The following HDAC8 variants were observed in gnomAD, a reference collection of about 807,000 sequenced individuals.
HDAC8 encodes the protein histone deacetylase 8, also known as histone deacetylase-like 1.
Under a neutral mutation model 32.2 loss-of-function variants are expected in HDAC8, and 1 was observed. That is an observed-to-expected ratio of 0.03 (90% CI 0.01 to 0.15). The LOEUF (loss-of-function observed/expected upper bound fraction) is 0.15, where lower values mean the gene tolerates loss of function less well. Ranked by LOEUF, HDAC8 falls within the 10% of genes least tolerant of loss-of-function variation. The pLI, the probability that HDAC8 is intolerant of heterozygous loss-of-function variation, is 1.00. For synonymous variants in HDAC8, 108 were observed against 113.9 expected (o/e 0.95, Z 0.33); for missense variants, 117 against 300.0 (o/e 0.39, Z 4.51).
At chrX:72,345,212 A>G (rs1165426725) in intron 10 of HDAC8, among the ~76,000 whole-genome samples, 1 of 111,568 alleles carries the variant, frequency 9.0e-6, no homozygotes, top group African/African-American at 3.3e-5. Flanking sequence ...ACACAATCAT[A>G]TCTCTTAAAA....
intron 4 of HDAC8, among the ~76,000 whole-genome samples, chrX:72,556,989 G>A (rs1372141328): frequency 8.9e-6 from 1 of 111,998 alleles, no homozygotes; most frequent in African/African-American, 3.3e-5. Context: ...GGCCGAGACG[G>A]GTGGATCATG....
chrX:72,373,041 A>G (rs12388011), intron 9 of HDAC8, among the ~76,000 whole-genome samples: 7,941 of 111,108 alleles, frequency 0.071, 696 homozygotes, highest in African/African-American at 0.25. Context: ...TACAAGGGAG[A>G]TACTATACAT....
chrX:72,364,980 C>A (rs1555953862), intron 9 of HDAC8, among the ~76,000 whole-genome samples: 4 of 111,884 alleles, frequency 3.6e-5, no homozygotes, highest in Non-Finnish European at 5.6e-5. Flanking sequence ...AGAGTACTCC[C>A]AAGACTGGCA....
At chrX:72,430,954 C>T (rs1334012706) in intron 9 of HDAC8, among the ~76,000 whole-genome samples, 1 of 111,942 alleles carries the variant, frequency 8.9e-6, no homozygotes, top group Non-Finnish European at 1.9e-5. Context: ...AAAGCATGTG[C>T]CCTTTCTACT....
chrX:72,341,455 T>C (rs2043886042), intron 10 of HDAC8, among the ~76,000 whole-genome samples: 1 of 112,132 alleles, frequency 8.9e-6, no homozygotes, highest in East Asian at 2.8e-4. Flanking sequence ...CAGTTGCTGG[T>C]CAGTGCCATG....
intron 9 of HDAC8, among the ~76,000 whole-genome samples, chrX:72,408,323 C>T (rs1263152198): frequency 9.0e-6 from 1 of 111,672 alleles, no homozygotes; most frequent in Non-Finnish European, 1.9e-5. Context: ...GAGTAAGTCT[C>T]ATTGAGAAAG....
At chrX:72,420,992 T>C (rs1282126916) in intron 9 of HDAC8, among the ~76,000 whole-genome samples, 2 of 111,144 alleles carry the variant, frequency 1.8e-5, no homozygotes, top group Admixed American at 9.6e-5. Context: ...TTTTGCAATT[T>C]TTCGTTTTGT....
At chrX:72,366,593 G>A (rs1427057469) in intron 9 of HDAC8, among the ~76,000 whole-genome samples, 1 of 112,039 alleles carries the variant, frequency 8.9e-6, no homozygotes, top group Non-Finnish European at 1.9e-5. Flanking sequence ...CTCCTCAAGG[G>A]TGGGAACTGG....
intron 4 of HDAC8, among the ~76,000 whole-genome samples, chrX:72,507,088 A>G (rs1275463857): frequency 1.8e-5 from 2 of 111,091 alleles, no homozygotes; most frequent in African/African-American, 6.6e-5. Flanking sequence ...AGCTCAAGCA[A>G]TCCACCCACC....
At chrX:72,472,224 T>C (rs1156853719) in intron 7 of HDAC8, among the ~76,000 whole-genome samples, 16 of 104,951 alleles carry the variant, frequency 1.5e-4, no homozygotes, top group South Asian at 8.8e-4. Context: ...CCCGCCACTA[T>C]GCCCGGCTAA....
chrX:72,561,844 AT>A (rs2051572494), intron 4 of HDAC8, among the ~76,000 whole-genome samples: 1 of 111,972 alleles, frequency 8.9e-6, no homozygotes, highest in South Asian at 3.7e-4. Context: ...AAAAAAGCAA[AT>A]AATCCCACTA....
chrX:72,444,897 C>G (rs1198221959), intron 9 of HDAC8, among the ~76,000 whole-genome samples: 1 of 107,905 alleles, frequency 9.3e-6, no homozygotes, highest in Non-Finnish European at 1.9e-5. Context: ...CAATAACAGA[C>G]AGAGAGCCAA....
At chrX:72,477,110 C>CA (rs368654292) in intron 7 of HDAC8, among the ~76,000 whole-genome samples, 7 of 111,933 alleles carry the variant, frequency 6.3e-5, no homozygotes, top group African/African-American at 2.3e-4. Flanking sequence ...ATTTCTTAGG[C>CA]AAAAAATCAG....
At chrX:72,571,553 CTTTTTTTTTTTTTTT>C (rs782331910) in intron 2 of HDAC8, among the ~76,000 whole-genome samples, 41 of 30,448 alleles carry the variant, frequency 1.3e-3, no homozygotes, top group South Asian at 8.5e-3. Context: ...TTCTTTCTTT[CTTTTTTTTTTTTTTT>C]TTTTTTTTTT....
intron 4 of HDAC8, among the ~76,000 whole-genome samples, chrX:72,562,753 T>C (rs937615165): frequency 9.0e-6 from 1 of 110,910 alleles, no homozygotes; most frequent in Non-Finnish European, 1.9e-5. Flanking sequence ...GGAGAAAAAA[T>C]AATTCTGCCA....
chrX:72,407,702 C>T (rs909580943), intron 9 of HDAC8, among the ~76,000 whole-genome samples: 4 of 111,711 alleles, frequency 3.6e-5, no homozygotes, highest in Non-Finnish European at 7.5e-5. Flanking sequence ...AATAGAGCCT[C>T]CAGAAGGAAT....
chrX:72,546,917 C>T (rs1556056821), intron 4 of HDAC8, among the ~76,000 whole-genome samples: 2 of 111,559 alleles, frequency 1.8e-5, no homozygotes, highest in East Asian at 5.6e-4. Context: ...TTATCTTTTT[C>T]ATATTTCCAA....
At chrX:72,368,175 T>C (rs1393084194) in intron 9 of HDAC8, among the ~76,000 whole-genome samples, 2 of 111,709 alleles carry the variant, frequency 1.8e-5, no homozygotes, top group East Asian at 5.6e-4. Flanking sequence ...TCCTTCATGC[T>C]CTGTCACACC....
At chrX:72,523,151 G>A (rs1264575169) in intron 4 of HDAC8, among the ~76,000 whole-genome samples, 1 of 111,728 alleles carries the variant, frequency 9.0e-6, no homozygotes, top group Non-Finnish European at 1.9e-5. Flanking sequence ...TCACAGAATC[G>A]GCTTATTTTT....
Sources: allele counts gnomAD v4.1 joint callset (sites outside exome capture counted in the v4.1 genomes callset), GRCh38; gene constraint gnomAD v4.1.1; transcripts MANE v1.5; gene names NCBI Gene and HGNC (gene_info 2026-07-23, HGNC 2026-07-21).